Variants in RASGRF1 observed in about 807,000 individuals in gnomAD.
The protein encoded by RASGRF1 is Ras protein specific guanine nucleotide releasing factor 1, also known as ras-specific guanine nucleotide-releasing factor 1.
Under a neutral mutation model 138.7 loss-of-function variants are expected in RASGRF1, and 40 were observed. That is an observed-to-expected ratio of 0.29 (90% CI 0.22 to 0.38). The LOEUF (loss-of-function observed/expected upper bound fraction) is 0.38. RASGRF1 is among the 10% of genes least tolerant of loss of function. The probability of loss-of-function intolerance (pLI) is 1.00; values close to 1 mark genes in which losing one functional copy is unlikely to be tolerated. For synonymous variants in RASGRF1, 614 were observed against 663.2 expected (o/e 0.93, Z 1.14); for missense variants, 1,108 against 1,650.4 (o/e 0.67, Z 5.69).
chr15:78,976,244 G>A (rs1168764038), intron 24 of RASGRF1, among the ~76,000 whole-genome samples: 1 of 152,072 alleles, frequency 6.6e-6, no homozygotes, highest in South Asian at 2.1e-4. Flanking sequence ...CAAGTAGCAC[G>A]CCCAGCCCCA....
intron 5 of RASGRF1, among the ~76,000 whole-genome samples, chr15:79,035,502 G>C (rs188601531): frequency 6.6e-6 from 1 of 152,372 alleles, no homozygotes; most frequent in Admixed American, 6.5e-5. Flanking sequence ...CCACGGGCCG[G>C]CAGAGGGCAG....
intron 2 of RASGRF1, among the ~76,000 whole-genome samples, chr15:79,062,508 A>G (rs2057621109): frequency 6.6e-6 from 1 of 151,942 alleles, no homozygotes; most frequent in Non-Finnish European, 1.5e-5. Flanking sequence ...CCATAGTCCA[A>G]CCTCATCTAC....
chr15:78,970,562 G>A (rs949818891), intron 26 of RASGRF1, among the ~76,000 whole-genome samples: 2 of 141,738 alleles, frequency 1.4e-5, no homozygotes, highest in African/African-American at 5.3e-5. Flanking sequence ...GGTGGAGGTT[G>A]CAGCGAGCCA....
chr15:79,080,693 A>G (rs2057903098), intron 1 of RASGRF1, among the ~76,000 whole-genome samples: 1 of 152,242 alleles, frequency 6.6e-6, no homozygotes, highest in African/African-American at 2.4e-5. Context: ...AGAAAGCTCA[A>G]CTAGGAAGTA....
At position 78,985,133 on chromosome 15, in the gene RASGRF1, C is replaced by T; in HGVS notation, c.3288G>A (p.Lys1096=). 6.2e-7 allele frequency: 1 copy of T among 1,613,476 alleles called. No homozygotes were observed. The highest frequency in any genetic ancestry group is 8.5e-7 in the Non-Finnish European group (1 of 1,179,342). ...DINARVSAIE[K]WVAVADICRC... is the part of the protein sequence containing the mutation. Reference sequence around the variant, plus strand: ...GGCATATGTCAGCTACGGCCACCCACTTCTCGATGGCGCTCACCCTGGCGT... The same window carrying T: ...GGCATATGTCAGCTACGGCCACCCATTTCTCGATGGCGCTCACCCTGGCGT... The change falls in exon 23 of 27, where the codon AAG becomes AAA. Residue 1096 remains lysine, a synonymous_variant. Coordinates refer to ENST00000558480, the MANE Select transcript of RASGRF1 (RefSeq NM_001145648.3).
intron 13 of RASGRF1, among the ~76,000 whole-genome samples, chr15:79,012,188 C>T (rs1328007838): frequency 6.6e-6 from 1 of 152,058 alleles, no homozygotes; most frequent in African/African-American, 2.4e-5. Flanking sequence ...CTGCACTCTC[C>T]CCAAACACCG....
chr15:78,997,023 G>A (rs1178886618), intron 19 of RASGRF1, among the ~76,000 whole-genome samples: 2 of 152,224 alleles, frequency 1.3e-5, no homozygotes, highest in African/African-American at 4.8e-5. Flanking sequence ...GTAGGTGCCC[G>A]CCACCCACTG....
chr15:79,021,507 C>T (rs1458430339), intron 10 of RASGRF1, among the ~76,000 whole-genome samples: 1 of 152,258 alleles, frequency 6.6e-6, no homozygotes, highest in African/African-American at 2.4e-5. Flanking sequence ...CTCTGACATT[C>T]TCTTACTTCA....
chr15:78,980,549 G>A (rs938994993), intron 24 of RASGRF1, 71 bp downstream of exon 24: 16 of 1,245,144 alleles, frequency 1.3e-5, no homozygotes, highest in South Asian at 4.1e-5. Context: ...GGCTGGGGGC[G>A]GCACGTGAAT....
At chr15:79,023,099 A>G (rs1222493793) in intron 10 of RASGRF1, among the ~76,000 whole-genome samples, 1 of 152,036 alleles carries the variant, frequency 6.6e-6, no homozygotes, top group Non-Finnish European at 1.5e-5. Flanking sequence ...GGGTGAACCC[A>G]GGAGGCAGAG....
chr15:78,961,986 A>G lies in RASGRF1; in HGVS notation c.*158T>C, dbSNP rs1466338382. The G allele has an allele frequency of 1.7e-6, 1 of 603,290 alleles. No individual in the cohort carries two copies. Among genetic ancestry groups the G allele is most frequent in the African/African-American group, 1.9e-5 (1 of 53,716 alleles). The allele number at this position is 603,290 out of a possible 1,614,324, so 37.4% of individuals were successfully genotyped here. A position where few individuals can be genotyped will look rare whatever the true frequency, so the allele number is the denominator to read the frequency against. The stretch of plus-strand genomic sequence containing the variant: ...GGGCGAAGTCTGAAACGGTGCAGAA[A>G]TTCATATTCCGGTTCTACAGGAATC... On this transcript the variant is annotated 3_prime_UTR_variant, in exon 27 of 27. Coordinates refer to ENST00000558480, the MANE Select transcript of RASGRF1 (RefSeq NM_001145648.3).
In RASGRF1 at chr15:79,027,190, C is replaced by A. The variant is rs1418989746; in HGVS notation, c.1381+551G>T. 6.6e-6 allele frequency among the ~76,000 whole-genome samples: 1 copy of A among 152,172 alleles called. No individual in the cohort carries two copies. Among genetic ancestry groups the A allele is most frequent in the Non-Finnish European group, 1.5e-5 (1 of 68,040 alleles). On this transcript the variant is annotated intron_variant, in intron 9 of 26. Coordinates refer to ENST00000558480, the MANE Select transcript of RASGRF1 (RefSeq NM_001145648.3). This position sits in a 1 kb window ranked among gnomAD's most constrained non-coding sequence, Gnocchi z 4.8. ...CCCCTGAGCCACAGAGAGCCTTCAC[C>A]CACCCCTCTCAACGGGGCCGTGCCT...
At chr15:79,084,765 T>A (rs1187742996) in intron 1 of RASGRF1, among the ~76,000 whole-genome samples, 1 of 152,180 alleles carries the variant, frequency 6.6e-6, no homozygotes, top group Admixed American at 6.5e-5. Context: ...CCTCTTCCAC[T>A]GCCCATAAAC....
intron 1 of RASGRF1, among the ~76,000 whole-genome samples, chr15:79,068,332 G>A (rs2057706753): frequency 6.6e-6 from 1 of 151,484 alleles, no homozygotes; most frequent in East Asian, 1.9e-4. Context: ...GCACTGGAAA[G>A]GGGGTCTTAT....
intron 5 of RASGRF1, among the ~76,000 whole-genome samples, chr15:79,037,103 G>A (rs1024952808): frequency 2.6e-5 from 4 of 152,110 alleles, no homozygotes; most frequent in Admixed American, 6.5e-5. Flanking sequence ...ACCCCCAAAC[G>A]AGTTTGTTGA....
At chr15:79,068,498 C>A (rs199753901) in intron 1 of RASGRF1, among the ~76,000 whole-genome samples, 1 of 148,094 alleles carries the variant, frequency 6.8e-6, no homozygotes, top group African/African-American at 2.5e-5. Flanking sequence ...TATATACACA[C>A]ACACACGTAT....
chr15:79,069,453 G>T (rs2057725537), intron 1 of RASGRF1, among the ~76,000 whole-genome samples: 1 of 152,160 alleles, frequency 6.6e-6, no homozygotes, highest in Admixed American at 6.5e-5. Flanking sequence ...CACTGTTTTT[G>T]TCCCAATGTA....
chr15:79,047,034 C>A, intron 4 of RASGRF1, 35 bp from the exon 5 acceptor site: 1 of 1,596,776 alleles, frequency 6.3e-7, no homozygotes, highest in South Asian at 1.1e-5. Flanking sequence ...AGGCTCCTGT[C>A]AGGGAGTCTG....
intron 1 of RASGRF1, among the ~76,000 whole-genome samples, chr15:79,085,520 C>T (rs1286630437): frequency 6.6e-6 from 1 of 152,212 alleles, no homozygotes; most frequent in African/African-American, 2.4e-5. Flanking sequence ...GCTTTTAGAG[C>T]AACCTTATTT....
Sources: gnomAD v4.1 joint callset for allele counts (sites outside exome capture counted in the v4.1 genomes callset) on GRCh38, gnomAD v4.1.1 for gene constraint, Gnocchi (gnomAD v3.1) non-coding constraint, MANE v1.5 for transcripts, NCBI Gene and HGNC (gene_info 2026-07-23, HGNC 2026-07-21) for gene names.